Variants in DACH2 observed in about 807,000 individuals in gnomAD.
DACH2 encodes the protein dachshund family transcription factor 2, also known as dachshund homolog 2.
DACH2 carries 17 observed loss-of-function variants against 35.8 expected under a neutral mutation model. The ratio of observed to expected loss-of-function variants is 0.48; its 90% CI spans 0.33 to 0.71. DACH2 has a LOEUF of 0.71. Among genes scored for constraint, DACH2 ranks in the 30% least tolerant of loss-of-function variants. The pLI is 0.02. For synonymous variants in DACH2, 195 were observed against 177.3 expected (o/e 1.10, Z -0.79); for missense variants, 469 against 472.7 (o/e 0.99, Z 0.07).
intron 3 of DACH2, among the ~76,000 whole-genome samples, chrX:86,577,800 T>A (rs2039454277): frequency 9.0e-6 from 1 of 111,046 alleles, no homozygotes; most frequent in Admixed American, 9.6e-5. Context: ...CCTAATAACG[T>A]CTTCCTAAGA....
chrX:86,401,328 G>A (rs992420987), intron 2 of DACH2, among the ~76,000 whole-genome samples: 4 of 112,135 alleles, frequency 3.6e-5, no homozygotes, highest in South Asian at 3.7e-4. Context: ...TGCACTTCCC[G>A]GGTGAGGTGA....
At chrX:86,595,553 A>T (rs2039700738) in intron 3 of DACH2, among the ~76,000 whole-genome samples, 1 of 110,915 alleles carries the variant, frequency 9.0e-6, no homozygotes, top group African/African-American at 3.3e-5. Context: ...TCTTAAATCC[A>T]CTGTGACAGT....
intron 1 of DACH2, among the ~76,000 whole-genome samples, chrX:86,348,641 G>A (rs1465448309): frequency 9.0e-6 from 1 of 110,803 alleles, no homozygotes; most frequent in Admixed American, 9.6e-5. Context: ...TTTTTTAATC[G>A]AATAAAGCCA....
intron 1 of DACH2, among the ~76,000 whole-genome samples, chrX:86,173,640 G>C: frequency 8.9e-6 from 1 of 111,824 alleles, no homozygotes; most frequent in Non-Finnish European, 1.9e-5. Context: ...TCATAATGGA[G>C]TAGGAAAGAG....
chrX:86,395,935 T>C (rs1314411717), intron 2 of DACH2, among the ~76,000 whole-genome samples: 3 of 111,633 alleles, frequency 2.7e-5, no homozygotes, highest in Non-Finnish European at 5.6e-5. Flanking sequence ...ATGGTATTTC[T>C]AGTTCTAGAT....
At chrX:86,404,533 G>T (rs1006894015) in intron 2 of DACH2, among the ~76,000 whole-genome samples, 1 of 112,424 alleles carries the variant, frequency 8.9e-6, no homozygotes, top group Non-Finnish European at 1.9e-5. Context: ...AGGTTATGCT[G>T]ATGCAAGAGG....
chrX:86,222,078 A>T (rs1325349170), intron 1 of DACH2, among the ~76,000 whole-genome samples: 2 of 112,398 alleles, frequency 1.8e-5, no homozygotes, highest in Non-Finnish European at 3.8e-5. Flanking sequence ...CTGTTTCCAA[A>T]TACTTTCACA....
intron 1 of DACH2, among the ~76,000 whole-genome samples, chrX:86,172,883 A>G (rs753259362): frequency 8.0e-5 from 9 of 112,056 alleles, no homozygotes; most frequent in Non-Finnish European, 1.3e-4. Flanking sequence ...TGGAGACTCA[A>G]TTCCACATGC....
intron 1 of DACH2, among the ~76,000 whole-genome samples, chrX:86,245,607 G>T (rs1231288825): frequency 8.9e-6 from 1 of 111,761 alleles, no homozygotes; most frequent in African/African-American, 3.3e-5. Context: ...AATGAAAGCA[G>T]TTGACTGAAT....
chrX:86,152,150 A>G (rs2030389119), intron 1 of DACH2, among the ~76,000 whole-genome samples: 1 of 111,701 alleles, frequency 9.0e-6, no homozygotes, highest in South Asian at 3.7e-4. Context: ...TGATGGATAA[A>G]TGTTCATAAT....
chrX:86,525,482 G>A (rs1329584309), intron 3 of DACH2, among the ~76,000 whole-genome samples: 2 of 111,629 alleles, frequency 1.8e-5, no homozygotes, highest in African/African-American at 6.5e-5. Flanking sequence ...TTCCTTCTAA[G>A]AAGTATGCAA....
intron 2 of DACH2, among the ~76,000 whole-genome samples, chrX:86,461,455 A>T (rs752139040): frequency 9.0e-6 from 1 of 111,311 alleles, no homozygotes; most frequent in Non-Finnish European, 1.9e-5. Context: ...GAAGAATGTT[A>T]TGTAAATAAA....
intron 3 of DACH2, among the ~76,000 whole-genome samples, chrX:86,554,498 T>C (rs1358127839): frequency 8.9e-6 from 1 of 111,937 alleles, no homozygotes; most frequent in East Asian, 2.8e-4. Flanking sequence ...ATATGTCTTT[T>C]ATGAAATAAA....
chrX:86,580,647 G>A (rs1369514937), intron 3 of DACH2, among the ~76,000 whole-genome samples: 1 of 111,539 alleles, frequency 9.0e-6, no homozygotes, highest in South Asian at 3.7e-4. Flanking sequence ...CTAAGAGCAT[G>A]AAGACTGGTT....
intron 3 of DACH2, among the ~76,000 whole-genome samples, chrX:86,633,659 G>T (rs758955128): frequency 9.0e-6 from 1 of 111,213 alleles, no homozygotes; most frequent in African/African-American, 3.3e-5. Context: ...AACTAAAAAA[G>T]GAAAACTACA....
At chrX:86,201,609 T>G (rs974563989) in intron 1 of DACH2, among the ~76,000 whole-genome samples, 15 of 111,219 alleles carry the variant, frequency 1.3e-4, no homozygotes, top group African/African-American at 4.9e-4. Flanking sequence ...TATTTAATAT[T>G]AAATATTTAA....
chrX:86,221,877 C>T (rs772786768), intron 1 of DACH2, among the ~76,000 whole-genome samples: 10 of 112,125 alleles, frequency 8.9e-5, no homozygotes, highest in Non-Finnish European at 1.9e-4. Context: ...TTTATTGAGG[C>T]CTTTCTCCTT....
intron 2 of DACH2, among the ~76,000 whole-genome samples, chrX:86,450,465 T>C (rs931081221): frequency 3.6e-5 from 4 of 111,500 alleles, no homozygotes; most frequent in African/African-American, 1.3e-4. Flanking sequence ...CTTTATCCAG[T>C]CTATCATTGA....
intron 2 of DACH2, among the ~76,000 whole-genome samples, chrX:86,497,285 C>A (rs1195177927): frequency 9.0e-6 from 1 of 111,587 alleles, no homozygotes; most frequent in Non-Finnish European, 1.9e-5. Context: ...GGGATGAGGC[C>A]TTACAATATT....
Sources: gnomAD v4.1 joint callset for allele counts (sites outside exome capture counted in the v4.1 genomes callset) on GRCh38, gnomAD v4.1.1 for gene constraint, MANE v1.5 for transcripts, NCBI Gene and HGNC (gene_info 2026-07-23, HGNC 2026-07-21) for gene names.